RAB29: variants seen among roughly 807,000 people sequenced by gnomAD.
The protein encoded by RAB29 is RAB29, member RAS oncogene family.
RAB29 carries 13 observed loss-of-function variants against 25.5 expected under a neutral mutation model. The ratio of observed to expected loss-of-function variants is 0.51; its 90% confidence interval spans 0.33 to 0.81. The LOEUF is 0.81. Ranked by LOEUF, RAB29 falls within the 30% of genes least tolerant of loss-of-function variation. The pLI is 0.02. For missense variants in RAB29, 201 were observed against 254.9 expected (o/e 0.79, Z 1.44); for synonymous variants, 88 against 95.0 (o/e 0.93, Z 0.43).
intron 3 of RAB29, among the ~76,000 whole-genome samples, chr1:205,772,124 T>C (rs1354065722): frequency 1.3e-5 from 2 of 152,156 alleles, no homozygotes; most frequent in Non-Finnish European, 2.9e-5. Context: ...TTAAAATACT[T>C]AGAAGAATGC....
At position 205,770,202 on chromosome 1, in the gene RAB29, C is replaced by T; in HGVS notation, c.*140G>A. The T allele has an allele frequency of 2.8e-6, 2 of 724,988 alleles. No homozygotes were observed. Among genetic ancestry groups the T allele is most frequent in the Non-Finnish European group, 4.8e-6 (2 of 414,044 alleles). 44.9% of individuals were successfully genotyped at this position (724,988 alleles called of 1,614,324 possible). On this transcript the variant is annotated 3_prime_UTR_variant, in exon 6 of 6. Transcript: ENST00000367139. ...TGCACATGGGTTCCAGGTGTCTTTT[C>T]TAAGTGACAATGGGCCTCCTTACTG...
In RAB29 at chr1:205,771,350, G is replaced by A. The variant is rs536888923; in HGVS notation, c.378+122C>T. The A allele has an allele frequency of 8.9e-4, 983 of 1,109,358 alleles. 16 individuals carry two copies. In the South Asian group the frequency reaches 0.011, roughly 12 times the overall value. 68.7% of individuals were successfully genotyped at this position (1,109,358 alleles called of 1,614,324 possible). On this transcript the variant is annotated intron_variant, in intron 4 of 5. Coordinates refer to ENST00000367139, the MANE Select transcript of RAB29 (RefSeq NM_003929.3). Reference sequence around the variant, plus strand: ...CACTCACCCTCAACATCCTTTGAAGGAGGTAGAGATGATTTTGCCAACTTA... The same window carrying A: ...CACTCACCCTCAACATCCTTTGAAGAAGGTAGAGATGATTTTGCCAACTTA...
At chr1:205,773,640 T>C (rs947170984) in intron 2 of RAB29, among the ~76,000 whole-genome samples, 36 of 152,104 alleles carry the variant, frequency 2.4e-4, no homozygotes, top group African/African-American at 8.7e-4. Flanking sequence ...CTCGTCTCAG[T>C]TTCCCGAGTA....
At chr1:205,770,602 C>A in intron 5 of RAB29, 131 bp downstream of exon 5, 1 of 1,470,648 alleles carries the variant, frequency 6.8e-7, no homozygotes, top group Admixed American at 1.9e-5. Context: ...AAGACAGTAT[C>A]CCTGACCTTT....
rs1491526895 is a variant in RAB29, at chr1:205,771,667, GGA to G, written c.197-16_197-15del. ...AGCGCTCCTGCCCTGGGGAGAAAGGGGAGAGTTCTCAAGGTGACCCAAGAGCC... is the reference window on the plus strand; with the variant it reads ...AGCGCTCCTGCCCTGGGGAGAAAGGGGAGTTCTCAAGGTGACCCAAGAGCC... On this transcript the variant is annotated splice_polypyrimidine_tract_variant and intron_variant, in intron 3 of 5. Coordinates refer to ENST00000367139, the MANE Select transcript of RAB29 (RefSeq NM_003929.3). The G allele has an allele frequency of 2.5e-6, 4 of 1,612,532 alleles. No homozygotes were observed. The highest frequency in any genetic ancestry group is 3.4e-6 in the Non-Finnish European group (4 of 1,178,598).
At position 205,774,939 on chromosome 1, in the gene RAB29, GT is replaced by G. The variant is rs1655237717; in HGVS notation, c.17del (p.His6ProfsTer41). 1 of 1,613,908 alleles carries G rather than the reference GT, an allele frequency of 6.2e-7. No individual in the cohort carries two copies. The highest frequency in any genetic ancestry group is 2.2e-5 in the East Asian group (1 of 44,874). Reference sequence around the variant, plus strand: ...CCCCCACCACCAGCACTTTGAACAGGTGGTCGCGGCTGCCCATGGCTAGCGG... The same window carrying G: ...CCCCCACCACCAGCACTTTGAACAGGGGTCGCGGCTGCCCATGGCTAGCGG... MGSRDHLFKVLVVGDA... is the reference protein window; with the variant it reads MGSRDXLFKVLVVGDA... On this transcript the variant is annotated frameshift_variant, in exon 2 of 6. Coordinates refer to ENST00000367139, the MANE Select transcript of RAB29 (RefSeq NM_003929.3). LOFTEE classifies it high-confidence loss of function.
intron 1 of RAB29, 54 bp downstream of exon 1, chr1:205,775,219 C>T (rs892067002): frequency 3.5e-5 from 15 of 431,108 alleles, no homozygotes; most frequent in Admixed American, 2.3e-4. Flanking sequence ...TTCCCCACCC[C>T]CTCCTGGCCT....
chr1:205,770,118 C>G lies in RAB29; in HGVS notation c.*224G>C. 1 of 577,340 alleles carries G rather than the reference C, an allele frequency of 1.7e-6. No homozygotes were observed. The highest frequency in any genetic ancestry group is 2.9e-5 in the East Asian group (1 of 34,304). 35.8% of individuals were successfully genotyped at this position (577,340 alleles called of 1,614,324 possible). On this transcript the variant is annotated 3_prime_UTR_variant, in exon 6 of 6. Transcript: ENST00000367139. ...ATGAGAAGATCTTACACCGAAGGCA[C>G]TAACTGGCACTAATGTGAGCCAGCA...
chr1:205,771,732 A>T, intron 3 of RAB29, 79 bp from the exon 4 acceptor site: 3 of 1,412,854 alleles, frequency 2.1e-6, no homozygotes, highest in Non-Finnish European at 3.0e-6. Context: ...GGCAGTAAGC[A>T]TATGTGTCAG....
At chr1:205,774,474 T>C (rs904815122) in intron 2 of RAB29, among the ~76,000 whole-genome samples, 5 of 152,240 alleles carry the variant, frequency 3.3e-5, no homozygotes, top group Non-Finnish European at 5.9e-5. Context: ...CTGCTTCTGC[T>C]GATTGGAGAG....
At chr1:205,774,550 C>G (rs1655200226) in intron 2 of RAB29, among the ~76,000 whole-genome samples, 1 of 152,196 alleles carries the variant, frequency 6.6e-6, no homozygotes, top group Admixed American at 6.5e-5. Context: ...ACAGCAATTG[C>G]TCATCCTCAT....
rs1655241652 is a variant in RAB29 at position 205,774,980 on chromosome 1, G to A, written c.-24C>T. 2 of 1,612,602 alleles carry A rather than the reference G, an allele frequency of 1.2e-6. No individual in the cohort carries two copies. The highest frequency in any genetic ancestry group is 1.7e-6 in the Non-Finnish European group (2 of 1,179,962). On this transcript the variant is annotated 5_prime_UTR_variant, in exon 2 of 6. Transcript: ENST00000367139. ...ATGGCTAGCGGGGTGTGCGTTTTAGGGAGGCGGGAAGTGTGGTCGGGGATC... is the reference window on the plus strand; with the variant it reads ...ATGGCTAGCGGGGTGTGCGTTTTAGAGAGGCGGGAAGTGTGGTCGGGGATC...
chr1:205,768,535 TTG>T lies in RAB29; in HGVS notation c.*1805_*1806del, dbSNP rs1259062366. On this transcript the variant is annotated 3_prime_UTR_variant, in exon 6 of 6. Transcript: ENST00000367139. ...TCGGGACCCAAAAATCTTTTTCTTT[TTG>T]TTTTTTTTTTTTGGAGATGGAGTTT... 2 of 33,602 alleles carry T rather than the reference TTG, an allele frequency of 6.0e-5. No homozygotes were observed. The highest frequency in any genetic ancestry group is 2.6e-4 in the Non-Finnish European group (2 of 7,624). The allele number at this position is 33,602 out of a possible 1,614,324, so 2.1% of individuals were successfully genotyped here.
Position 205,772,491 on chromosome 1 carries a change from T to A in RAB29, c.196+5A>T. 6.2e-7 allele frequency: 1 copy of A among 1,613,378 alleles called. No individual in the cohort carries two copies. Among genetic ancestry groups the A allele is most frequent in the Non-Finnish European group, 8.5e-7 (1 of 1,179,480 alleles). ...CCTTGTTCCTATCTAGCCCTCCCAC[T>A]TTACCTGCAATATCCCACAGCTGAA... is the stretch of plus-strand genomic sequence containing the variant. On this transcript the variant is annotated splice_donor_5th_base_variant and intron_variant, in intron 3 of 5. Transcript: ENST00000367139.
rs777543684 is a variant in RAB29 at position 205,770,450 on chromosome 1, G to C, written c.504C>G (p.Val168=). The C allele has an allele frequency of 5.1e-5, 83 of 1,612,414 alleles. No individual in the cohort carries two copies. Among genetic ancestry groups the C allele is most frequent in the Non-Finnish European group, 6.7e-5 (79 of 1,178,606 alleles). Residue 168 remains valine, a synonymous_variant, in exon 6 of 6, where the codon GTC becomes GTG. Transcript: ENST00000367139. ...AATTTCTCATCATCTTTTCAATGAG[G>C]ACTCTAAAAGACAAAAAATAAGCCT... The part of the protein sequence containing the change: ...ENKNINEAMR[V]LIEKMMRNST...
At position 205,770,037 on chromosome 1, in the gene RAB29, G is replaced by A. The variant is rs1332349483; in HGVS notation, c.*305C>T. The A allele has an allele frequency of 7.5e-6, 3 of 398,314 alleles. No individual in the cohort carries two copies. The highest frequency in any genetic ancestry group is 4.6e-6 in the Non-Finnish European group (1 of 217,812). 24.7% of individuals were successfully genotyped at this position (398,314 alleles called of 1,614,324 possible). A position where few individuals can be genotyped will look rare whatever the true frequency, so the allele number is the denominator to read the frequency against. On this transcript the variant is annotated 3_prime_UTR_variant, in exon 6 of 6. Transcript: ENST00000367139. ...AGGTGAGAATTATGATCTCTAAAAC[G>A]CAGGTGCTGATTTCTAATCCTTCTC...
chr1:205,770,923 T>C, intron 4 of RAB29, 69 bp from the exon 5 acceptor site: 3 of 1,563,070 alleles, frequency 1.9e-6, no homozygotes, highest in African/African-American at 1.4e-5. Flanking sequence ...ATGGCTCAGA[T>C]ACTGTGGATT....
chr1:205,774,120 A>C (rs1331069101), intron 2 of RAB29, among the ~76,000 whole-genome samples: 1 of 152,182 alleles, frequency 6.6e-6, no homozygotes, highest in East Asian at 1.9e-4. Context: ...TACCTTCTCC[A>C]GTTTGAGGAA....
At chr1:205,771,884 G>T (rs1467740546) in intron 3 of RAB29, among the ~76,000 whole-genome samples, 1 of 151,780 alleles carries the variant, frequency 6.6e-6, no homozygotes, top group African/African-American at 2.4e-5. Flanking sequence ...ATTTGACTTC[G>T]GGCAAATCAA....
Sources: allele counts gnomAD v4.1 joint callset (sites outside exome capture counted in the v4.1 genomes callset), GRCh38; gene constraint gnomAD v4.1.1; transcripts MANE v1.5; gene names NCBI Gene and HGNC (gene_info 2026-07-23, HGNC 2026-07-21).